Variants in HS6ST3 observed in about 807,000 individuals in gnomAD.
HS6ST3 encodes the protein heparan sulfate 6-O-sulfotransferase 3.
A neutral mutation model predicts 36.7 loss-of-function variants in HS6ST3; 12 were observed. The observed-to-expected ratio is 0.33, with a 90% CI of 0.21 to 0.53. The LOEUF is 0.53. Ranked by LOEUF, HS6ST3 falls within the 20% of genes least tolerant of loss-of-function variation. HS6ST3 has a pLI of 0.95. For missense variants in HS6ST3, 584 were observed against 640.9 expected (o/e 0.91, Z 0.96); for synonymous variants, 240 against 257.5 (o/e 0.93, Z 0.65).
Position 96,819,504 on chromosome 13 carries a change from C to T in HS6ST3, c.708-12986C>T, listed in dbSNP as rs546692529. 2.8e-4 allele frequency among the ~76,000 whole-genome samples: 42 copies of T among 152,182 alleles called. No homozygotes were observed. The South Asian group carries it at 6.6e-3, about 24-fold the overall frequency. On this transcript the variant is annotated intron_variant, in intron 1 of 1. Coordinates refer to ENST00000376705, the MANE Select transcript of HS6ST3 (RefSeq NM_153456.4). ...AAACCTCCCAACTTGTAGAATAAAG[C>T]GTTAATTTTGTGTTTTCTTTCTAAT...
At chr13:96,398,215 A>G (rs1293041004) in intron 1 of HS6ST3, among the ~76,000 whole-genome samples, 1 of 152,200 alleles carries the variant, frequency 6.6e-6, no homozygotes. Flanking sequence ...CATGGCAACT[A>G]TTATAAGAAA....
Position 96,487,285 on chromosome 13 carries a change from G to T in HS6ST3, c.708-345205G>T, listed in dbSNP as rs4097381. 4.7e-3 allele frequency among the ~76,000 whole-genome samples: 718 copies of T among 152,216 alleles called. 4 individuals carry two copies. Among genetic ancestry groups the T allele is most frequent in the Middle Eastern group, 0.02 (6 of 294 alleles). On this transcript the variant is annotated intron_variant, in intron 1 of 1. Transcript: ENST00000376705. ...TGCAATGTTATTTTTGAAGGGCAAG[G>T]CAGGACCCTCTTGCTTGTTTTGAAA... is the stretch of plus-strand genomic sequence containing the variant.
rs184726986 is a variant in HS6ST3, at chr13:96,319,292, T to A, written c.707+227723T>A. 3.9e-5 allele frequency among the ~76,000 whole-genome samples: 6 copies of A among 152,342 alleles called. No individual in the cohort carries two copies. In the East Asian group the frequency reaches 1.2e-3, roughly 29 times the overall value. ...ACTTATCACAGTATTTATCACAATGTTTTCAAGGTTCATCCATGCTCTAGC... is the reference window on the plus strand; with the variant it reads ...ACTTATCACAGTATTTATCACAATGATTTCAAGGTTCATCCATGCTCTAGC... On this transcript the variant is annotated intron_variant, in intron 1 of 1. Transcript: ENST00000376705.
At chr13:96,352,737 T>C (rs552228257) in intron 1 of HS6ST3, among the ~76,000 whole-genome samples, 3 of 152,194 alleles carry the variant, frequency 2.0e-5, no homozygotes, top group South Asian at 2.1e-4. Flanking sequence ...AAAACAAATA[T>C]CTGAGAATAG....
chr13:96,198,945 A>C (rs2054328076), intron 1 of HS6ST3, among the ~76,000 whole-genome samples: 1 of 152,240 alleles, frequency 6.6e-6, no homozygotes, highest in South Asian at 2.1e-4. Context: ...TGATAAAGAC[A>C]TACCCAAGAC....
At chr13:96,781,973 C>G (rs1255835667) in intron 1 of HS6ST3, among the ~76,000 whole-genome samples, 1 of 152,122 alleles carries the variant, frequency 6.6e-6, no homozygotes, top group Non-Finnish European at 1.5e-5. Flanking sequence ...ATATGTTCCC[C>G]CCAAATTATA....
At chr13:96,615,561 A>G (rs531270232) in intron 1 of HS6ST3, among the ~76,000 whole-genome samples, 1 of 152,324 alleles carries the variant, frequency 6.6e-6, no homozygotes, top group South Asian at 2.1e-4. Flanking sequence ...TCAATAAATC[A>G]TATCTGAAAA....
chr13:96,497,176 G>A (rs2055981342), intron 1 of HS6ST3, among the ~76,000 whole-genome samples: 1 of 152,092 alleles, frequency 6.6e-6, no homozygotes, highest in African/African-American at 2.4e-5. Flanking sequence ...CAGAGGACAG[G>A]AAAAGGGAGC....
At chr13:96,267,013 T>A (rs2054695743) in intron 1 of HS6ST3, among the ~76,000 whole-genome samples, 1 of 152,322 alleles carries the variant, frequency 6.6e-6, no homozygotes, top group Non-Finnish European at 1.5e-5. Flanking sequence ...AGGGACCTGA[T>A]GGGAGGGACC....
intron 1 of HS6ST3, among the ~76,000 whole-genome samples, chr13:96,608,472 G>T (rs2056446479): frequency 6.6e-6 from 1 of 152,196 alleles, no homozygotes; most frequent in African/African-American, 2.4e-5. Context: ...ACTTGAGTCT[G>T]ATGCTTCTCT....
intron 1 of HS6ST3, among the ~76,000 whole-genome samples, chr13:96,358,453 TC>T (rs2055220737): frequency 6.6e-6 from 1 of 152,106 alleles, no homozygotes; most frequent in Non-Finnish European, 1.5e-5. Flanking sequence ...TCTGGTCTCA[TC>T]ATGAGGAAAC....
intron 1 of HS6ST3, among the ~76,000 whole-genome samples, chr13:96,543,961 A>G (rs1311716115): frequency 6.6e-6 from 1 of 151,232 alleles, no homozygotes; most frequent in African/African-American, 2.4e-5. Flanking sequence ...AGATATATAT[A>G]TATATATATA....
At chr13:96,520,765 C>A (rs2095485358) in intron 1 of HS6ST3, among the ~76,000 whole-genome samples, 1 of 152,152 alleles carries the variant, frequency 6.6e-6, no homozygotes, top group Non-Finnish European at 1.5e-5. Flanking sequence ...ATGGGGTTTT[C>A]TAAATATACA....
chr13:96,662,363 G>C (rs115894495), intron 1 of HS6ST3, among the ~76,000 whole-genome samples: 1,848 of 152,076 alleles, frequency 0.012, 31 homozygotes, highest in African/African-American at 0.042. Context: ...CTTCAATCTT[G>C]AAATTTCTTC....
intron 1 of HS6ST3, among the ~76,000 whole-genome samples, chr13:96,474,625 G>A (rs748009477): frequency 2.0e-5 from 3 of 152,132 alleles, no homozygotes; most frequent in Admixed American, 1.3e-4. Flanking sequence ...TTAATAATTT[G>A]GAGTGATTTT....
chr13:96,336,046 AAT>A (rs1232872447), intron 1 of HS6ST3, among the ~76,000 whole-genome samples: 3 of 152,178 alleles, frequency 2.0e-5, no homozygotes, highest in Non-Finnish European at 4.4e-5. Flanking sequence ...AGCATCTGTT[AAT>A]AAGGTGAGAG....
chr13:96,459,427 TA>T (rs144073861), intron 1 of HS6ST3, among the ~76,000 whole-genome samples: 56 of 151,010 alleles, frequency 3.7e-4, no homozygotes, highest in African/African-American at 1.1e-3. Context: ...TTGGAAAAGT[TA>T]AAAAAAAACT....
chr13:96,355,402 CAA>C (rs1491435191), intron 1 of HS6ST3, among the ~76,000 whole-genome samples: 39 of 138,542 alleles, frequency 2.8e-4, no homozygotes, highest in South Asian at 2.5e-3. Flanking sequence ...CACACACACA[CAA>C]ACACACAAAC....
chr13:96,808,699 A>G (rs1878252282), intron 1 of HS6ST3, among the ~76,000 whole-genome samples: 1 of 152,230 alleles, frequency 6.6e-6, no homozygotes, highest in South Asian at 2.1e-4. Context: ...TGCAGAAGCC[A>G]CAAGTAGGTA....
Sources: allele counts gnomAD v4.1 joint callset (sites outside exome capture counted in the v4.1 genomes callset), GRCh38; gene constraint gnomAD v4.1.1; transcripts MANE v1.5; gene names NCBI Gene and HGNC (gene_info 2026-07-23, HGNC 2026-07-21).